CALN1: variants seen among roughly 807,000 people sequenced by gnomAD.
CALN1 encodes the protein calcium-binding protein 8.
Under a neutral mutation model 30.6 loss-of-function variants are expected in CALN1, and 17 were observed. The observed-to-expected ratio is 0.56, with a 90% CI of 0.38 to 0.83. The LOEUF is 0.83. Among genes scored for constraint, CALN1 ranks in the 40% least tolerant of loss-of-function variants. CALN1 has a pLI of 0.00. For synonymous variants in CALN1, 156 were observed against 131.4 expected (o/e 1.19, Z -1.28); for missense variants, 291 against 354.9 (o/e 0.82, Z 1.45).
At chr7:72,117,492 C>T (rs1808068233) in intron 3 of CALN1, among the ~76,000 whole-genome samples, 1 of 152,014 alleles carries the variant, frequency 6.6e-6, no homozygotes, top group Non-Finnish European at 1.5e-5. Context: ...GTCAGTTATG[C>T]CTAAACTCTG....
chr7:72,330,672 G>C (rs1251160180), intron 2 of CALN1, among the ~76,000 whole-genome samples: 1 of 152,158 alleles, frequency 6.6e-6, no homozygotes, highest in Non-Finnish European at 1.5e-5. Flanking sequence ...AATACATTCT[G>C]GTTGGATGAA....
intron 3 of CALN1, among the ~76,000 whole-genome samples, chr7:72,184,194 C>T (rs1170464128): frequency 6.6e-6 from 1 of 152,162 alleles, no homozygotes; most frequent in Non-Finnish European, 1.5e-5. Flanking sequence ...TTTCAATCGT[C>T]GTCTTCGAAT....
At chr7:72,284,800 A>G (rs1022001174) in intron 2 of CALN1, among the ~76,000 whole-genome samples, 3 of 152,162 alleles carry the variant, frequency 2.0e-5, no homozygotes. Context: ...AAATCTCTTT[A>G]AAGTTATACA....
At chr7:72,504,130 G>T in the CALN1 span, among the ~76,000 whole-genome samples, 1 of 152,182 alleles carries the variant, frequency 6.6e-6, no homozygotes, top group Non-Finnish European at 1.5e-5. Context: ...GACCACAGTG[G>T]AGGCTCAGGC....
chr7:72,331,636 G>C (rs1458297240), intron 2 of CALN1, among the ~76,000 whole-genome samples: 6 of 152,176 alleles, frequency 3.9e-5, no homozygotes, highest in Admixed American at 6.5e-5. Flanking sequence ...AATAGTCACA[G>C]AATATCTATT....
At chr7:72,494,917 C>T in the CALN1 span, among the ~76,000 whole-genome samples, 3 of 152,196 alleles carry the variant, frequency 2.0e-5, no homozygotes, top group East Asian at 3.9e-4. Flanking sequence ...ATATGGTCCT[C>T]CCCAAGGGCT....
intron 2 of CALN1, among the ~76,000 whole-genome samples, chr7:72,358,253 C>G (rs1384870772): frequency 2.0e-5 from 3 of 151,924 alleles, no homozygotes; most frequent in Non-Finnish European, 4.4e-5. Flanking sequence ...CCTTGGCCTC[C>G]CAAAGTGCTA....
intron 5 of CALN1, among the ~76,000 whole-genome samples, chr7:71,954,793 G>A (rs1584600836): frequency 6.6e-6 from 1 of 152,216 alleles, no homozygotes; most frequent in African/African-American, 2.4e-5. Flanking sequence ...AGGAGTCAGT[G>A]GGAGAAGAGA....
At position 71,922,610 on chromosome 7, in the gene CALN1, CACAGAATATATTATATATAAATATATA is replaced by C. The variant is rs1562903006; in HGVS notation, c.501+101020_501+101046del. Among the ~76,000 whole-genome samples the C allele has an allele frequency of 5.6e-3, 743 of 132,040 alleles. 5 individuals carry two copies. The highest frequency in any genetic ancestry group is 0.02 in the African/African-American group (689 of 35,044). The allele number at this position is 132,040 out of a possible 152,430, so 86.6% of individuals were successfully genotyped here. The stretch of plus-strand genomic sequence containing the variant: ...ATGTATTATATATAAATATATAACA[CACAGAATATATTATATATAAATATATA>C]ACAGAATATATTATATATAAATATA... On this transcript the variant is annotated intron_variant, in intron 5 of 6. Transcript: ENST00000395275.
At position 71,993,550 on chromosome 7, in the gene CALN1, G is replaced by A. The variant is rs181547624; in HGVS notation, c.501+30107C>T. 2.4e-3 allele frequency among the ~76,000 whole-genome samples: 366 copies of A among 150,216 alleles called. 1 individual carries two copies. The highest frequency in any genetic ancestry group is 8.6e-3 in the African/African-American group (354 of 40,996). ...CGGCTCACTGCAACCTCTGCCTCCC[G>A]GGTTCAAGCGATTCTCCTGCCTCCA... On this transcript the variant is annotated intron_variant, in intron 5 of 6. Coordinates refer to ENST00000395275, the MANE Select transcript of CALN1 (RefSeq NM_031468.4).
chr7:72,119,374 T>C (rs755357627), intron 3 of CALN1, among the ~76,000 whole-genome samples: 2 of 152,038 alleles, frequency 1.3e-5, no homozygotes, highest in African/African-American at 2.4e-5. Flanking sequence ...TTAACTATCA[T>C]GAGAACAGCG....
chr7:71,875,160 CAAAAAAAAAAAA>C (rs3063970), intron 5 of CALN1, among the ~76,000 whole-genome samples: 3 of 68,726 alleles, frequency 4.4e-5, no homozygotes, highest in Non-Finnish European at 5.4e-5. Flanking sequence ...GACTCTGTCT[CAAAAAAAAAAAA>C]AAAAAAAAAA....
intron 3 of CALN1, among the ~76,000 whole-genome samples, chr7:72,263,984 A>C (rs1796447229): frequency 6.6e-6 from 1 of 152,140 alleles, no homozygotes; most frequent in Non-Finnish European, 1.5e-5. Flanking sequence ...ATAAATATTA[A>C]GTGAAATTGA....
chr7:72,078,405 G>A (rs577105811), intron 4 of CALN1, among the ~76,000 whole-genome samples: 1 of 152,234 alleles, frequency 6.6e-6, no homozygotes, highest in South Asian at 2.1e-4. Flanking sequence ...GGAGTCTTAA[G>A]TAAGGCCTCA....
chr7:72,143,673 T>C (rs989008247), intron 3 of CALN1, among the ~76,000 whole-genome samples: 17 of 152,000 alleles, frequency 1.1e-4, no homozygotes, highest in Non-Finnish European at 2.2e-4. Context: ...CACATAATTG[T>C]CAGATTCACC....
At chr7:72,429,147 C>CCATAAACAGGAAAATAGAATCCAT in intron 1 of CALN1, among the ~76,000 whole-genome samples, 1 of 152,106 alleles carries the variant, frequency 6.6e-6, no homozygotes, top group Non-Finnish European at 1.5e-5. Flanking sequence ...ACTAGACATA[C>CCATAAACAGGAAAATAGAATCCAT]CATAAACAGG....
chr7:72,241,147 T>A (rs978701622), intron 3 of CALN1, among the ~76,000 whole-genome samples: 12 of 152,250 alleles, frequency 7.9e-5, no homozygotes, highest in Non-Finnish European at 1.3e-4. Context: ...TGAATAGTTT[T>A]AGTTCAAGTA....
chr7:72,499,256 C>T, the CALN1 span, among the ~76,000 whole-genome samples: 1 of 152,266 alleles, frequency 6.6e-6, no homozygotes, highest in African/African-American at 2.4e-5. Flanking sequence ...GTCTCAAACT[C>T]CTGACTTCAA....
At chr7:71,925,082 A>G (rs536881022) in intron 5 of CALN1, among the ~76,000 whole-genome samples, 1 of 152,204 alleles carries the variant, frequency 6.6e-6, no homozygotes, top group South Asian at 2.1e-4. Flanking sequence ...CTCTACTAAA[A>G]ACACAAAAAT....
Sources: gnomAD v4.1 joint callset for allele counts (sites outside exome capture counted in the v4.1 genomes callset) on GRCh38, gnomAD v4.1.1 for gene constraint, MANE v1.5 for transcripts, NCBI Gene and HGNC (gene_info 2026-07-23, HGNC 2026-07-21) for gene names.